The following GPR89A variants were observed in gnomAD, a reference collection of about 807,000 sequenced individuals.
GPR89A encodes the protein G protein-coupled receptor 89A.
In GPR89A, 16 loss-of-function variants were observed where a neutral mutation model predicts 52.0. The ratio of observed to expected loss-of-function variants is 0.31; its 90% confidence interval spans 0.21 to 0.47. The LOEUF is 0.47. Ranked by LOEUF, GPR89A falls within the 20% of genes least tolerant of loss-of-function variation. The pLI, the probability that GPR89A is intolerant of heterozygous loss-of-function variation, is 1.00. For missense variants in GPR89A, 135 were observed against 449.4 expected (o/e 0.30, Z 6.33); for synonymous variants, 55 against 150.9 (o/e 0.36, Z 4.66).
At chr1:145,619,822 T>C (rs2101744490) in intron 3 of GPR89A, among the ~76,000 whole-genome samples, 1 of 152,322 alleles carries the variant, frequency 6.6e-6, no homozygotes, top group South Asian at 2.1e-4. Flanking sequence ...AAGACCATCC[T>C]GGCTAACATG....
intron 1 of GPR89A, among the ~76,000 whole-genome samples, chr1:145,610,093 C>T: frequency 6.6e-6 from 1 of 152,024 alleles, no homozygotes; most frequent in Non-Finnish European, 1.5e-5. Flanking sequence ...CTCCTGTATT[C>T]ACCAGCATCT....
At chr1:145,613,578 T>C (rs1648454046) in intron 1 of GPR89A, among the ~76,000 whole-genome samples, 1 of 151,796 alleles carries the variant, frequency 6.6e-6, no homozygotes. Context: ...TTCAAAGCTC[T>C]CAGTGATTGG....
chr1:145,655,220 C>T (rs1357649862), intron 10 of GPR89A, among the ~76,000 whole-genome samples: 2 of 152,058 alleles, frequency 1.3e-5, no homozygotes, highest in African/African-American at 4.8e-5. Flanking sequence ...TTCTTGGCTT[C>T]TTTGCATTGG....
rs1218401504 is a variant in GPR89A at position 145,641,672 on chromosome 1, A to C, written c.618-2197A>C. Among the ~76,000 whole-genome samples the C allele has an allele frequency of 5.9e-5, 9 of 152,190 alleles. 1 individual carries two copies. The highest frequency in any genetic ancestry group is 1.3e-4 in the Non-Finnish European group (9 of 68,050). On this transcript the variant is annotated intron_variant, in intron 7 of 13. Transcript: ENST00000313835. ...CATTTTTTAGCTTCTTCTGTTGTGC[A>C]CTACTACCAAACCTCAGCCAAGTGC...
intron 7 of GPR89A, among the ~76,000 whole-genome samples, chr1:145,641,193 C>CA (rs1276966287): frequency 3.3e-5 from 5 of 149,740 alleles, no homozygotes; most frequent in African/African-American, 7.7e-5. Context: ...TATATTCACA[C>CA]AAAAAAACTG....
At chr1:145,610,964 A>C (rs1270490419) in intron 1 of GPR89A, among the ~76,000 whole-genome samples, 2 of 152,158 alleles carry the variant, frequency 1.3e-5, no homozygotes, top group Admixed American at 6.5e-5. Flanking sequence ...GTTCCAGAGT[A>C]CACTCTTAAG....
chr1:145,612,412 T>G (rs1216876103), intron 1 of GPR89A, among the ~76,000 whole-genome samples: 2 of 152,148 alleles, frequency 1.3e-5, no homozygotes, highest in Non-Finnish European at 2.9e-5. Context: ...TATTTTGAAG[T>G]GGTTAAAAGC....
chr1:145,647,243 T>G lies in GPR89A; in HGVS notation c.885T>G (p.Ile295Met). ...YFNFLGYFFSIYCVWKIFMAT... is the reference protein window; with the variant it reads ...YFNFLGYFFSMYCVWKIFMAT... Reference sequence around the variant, plus strand: ...ATTTTCTTGGTTACTTTTTCTCTATTTACTGTGTTTGGAAAATTTTCATGG... The same window carrying G: ...ATTTTCTTGGTTACTTTTTCTCTATGTACTGTGTTTGGAAAATTTTCATGG... The change falls in exon 10 of 14, where the codon ATT becomes ATG. Residue 295 changes from isoleucine (I) to methionine (M), a missense_variant. Physicochemically the swap from Ile to Met is conservative, Grantham distance 10. Coordinates refer to ENST00000313835, the MANE Select transcript of GPR89A (RefSeq NM_001097612.2). 1 of 1,560,802 alleles carries G rather than the reference T, an allele frequency of 6.4e-7. No individual in the cohort carries two copies.
At chr1:145,660,447 T>G (rs1294780021) in intron 10 of GPR89A, among the ~76,000 whole-genome samples, 2 of 151,894 alleles carry the variant, frequency 1.3e-5, no homozygotes, top group Non-Finnish European at 2.9e-5. Flanking sequence ...AAGCCAAAAT[T>G]GACAAATGGG....
chr1:145,647,986 A>G (rs1334580434), intron 10 of GPR89A, among the ~76,000 whole-genome samples: 2 of 139,276 alleles, frequency 1.4e-5, no homozygotes, highest in East Asian at 2.1e-4. Flanking sequence ...TATAACTTCA[A>G]CTTCTACCTT....
intron 7 of GPR89A, among the ~76,000 whole-genome samples, chr1:145,633,820 A>C (rs1359042069): frequency 1.4e-5 from 2 of 147,590 alleles, no homozygotes; most frequent in East Asian, 3.9e-4. Flanking sequence ...AGATTGCTTT[A>C]GGTAGTATGG....
chr1:145,658,722 A>G (rs587713217), intron 10 of GPR89A, among the ~76,000 whole-genome samples: 8 of 151,076 alleles, frequency 5.3e-5, no homozygotes, highest in Admixed American at 2.0e-4. Context: ...GTACATTAGG[A>G]TTGTTTCTAC....
chr1:145,628,344 T>G (rs1207539336), intron 5 of GPR89A, among the ~76,000 whole-genome samples: 4 of 152,074 alleles, frequency 2.6e-5, no homozygotes, highest in African/African-American at 9.7e-5. Flanking sequence ...AGGGAAATGG[T>G]GTTGTGGAAG....
At chr1:145,619,918 G>A (rs1183923959) in intron 3 of GPR89A, among the ~76,000 whole-genome samples, 1 of 152,062 alleles carries the variant, frequency 6.6e-6, no homozygotes, top group Non-Finnish European at 1.5e-5. Flanking sequence ...GGGGGGCTGA[G>A]GCAGGAGAAT....
At chr1:145,661,135 G>A (rs1652166342) in intron 10 of GPR89A, among the ~76,000 whole-genome samples, 1 of 146,720 alleles carries the variant, frequency 6.8e-6, no homozygotes, top group Non-Finnish European at 1.5e-5. Flanking sequence ...CATAAAAAAT[G>A]ATGAGTTCAT....
At chr1:145,667,965 G>T (rs1571553567) in intron 12 of GPR89A, among the ~76,000 whole-genome samples, 3 of 152,250 alleles carry the variant, frequency 2.0e-5, no homozygotes, top group Admixed American at 2.0e-4. Flanking sequence ...TGCTGTTTTG[G>T]TTACTGTAGC....
intron 9 of GPR89A, 142 bp from the exon 10 acceptor site, chr1:145,647,033 A>T: frequency 7.5e-7 from 1 of 1,328,676 alleles, no homozygotes; most frequent in South Asian, 1.5e-5. Flanking sequence ...GCTGGCCACA[A>T]CTACTGTTAT....
chr1:145,629,891 A>G (rs1649777076), intron 5 of GPR89A, among the ~76,000 whole-genome samples: 1 of 152,248 alleles, frequency 6.6e-6, no homozygotes, highest in Non-Finnish European at 1.5e-5. Context: ...TTCCTGAATT[A>G]TAGCTCTGGC....
chr1:145,652,356 G>T (rs587653824), intron 10 of GPR89A, among the ~76,000 whole-genome samples: 1 of 152,092 alleles, frequency 6.6e-6, no homozygotes, highest in African/African-American at 2.4e-5. Flanking sequence ...TGACTTGATC[G>T]TGGTAGATGA....
Sources: allele counts gnomAD v4.1 joint callset (sites outside exome capture counted in the v4.1 genomes callset), GRCh38; gene constraint gnomAD v4.1.1; transcripts MANE v1.5; gene names NCBI Gene and HGNC (gene_info 2026-07-23, HGNC 2026-07-21).